Variants in RNF216 observed in about 807,000 individuals in gnomAD.
RNF216 encodes the protein ring finger protein 216.
In RNF216, 72 loss-of-function variants were observed where a neutral mutation model predicts 110.8. That is an observed-to-expected ratio of 0.65 (90% confidence interval 0.54 to 0.79). The LOEUF is 0.79. Among genes scored for constraint, RNF216 ranks in the 30% least tolerant of loss-of-function variants. RNF216 has a pLI of 0.00. For synonymous variants in RNF216, 495 were observed against 407.5 expected, an observed-to-expected ratio of 1.21 and a Z score of -2.59; for missense variants, 1,342 against 1,141.2, an observed-to-expected ratio of 1.18 and a Z score of -2.54.
At chr7:5,683,817 C>T (rs1465624264) in intron 13 of RNF216, among the ~76,000 whole-genome samples, 1 of 152,112 alleles carries the variant, frequency 6.6e-6, no homozygotes, top group Non-Finnish European at 1.5e-5. Flanking sequence ...GTTAAAAGTG[C>T]AAGATAAGCC....
chr7:5,737,520 A>T (rs898849759), intron 5 of RNF216, among the ~76,000 whole-genome samples: 1 of 21,128 alleles, frequency 4.7e-5, no homozygotes, highest in Non-Finnish European at 1.3e-4. Context: ...ATGATCAATT[A>T]AAAATAATAA....
At chr7:5,660,265 C>CTTTTTTTTTTTTTTTTTTTTTTTT (rs66617363) in intron 13 of RNF216, among the ~76,000 whole-genome samples, 2 of 33,652 alleles carry the variant, frequency 5.9e-5, no homozygotes, top group Non-Finnish European at 1.2e-4. Context: ...GTTTTAAATT[C>CTTTTTTTTTTTTTTTTTTTTTTTT]TTTTTTTTTT....
At chr7:5,769,064 A>C (rs932110346) in intron 1 of RNF216, among the ~76,000 whole-genome samples, 8 of 152,044 alleles carry the variant, frequency 5.3e-5, no homozygotes, top group Admixed American at 1.3e-4. Context: ...AAATATATCA[A>C]AATTTATGTG....
At chr7:5,630,946 G>C (rs147440235) in intron 15 of RNF216, among the ~76,000 whole-genome samples, 1 of 152,134 alleles carries the variant, frequency 6.6e-6, no homozygotes, top group Non-Finnish European at 1.5e-5. Flanking sequence ...TTCTGAATCG[G>C]AACTTCTGGC....
chr7:5,730,521 C>G (rs1267383137), intron 6 of RNF216, among the ~76,000 whole-genome samples, 194 bp downstream of exon 6: 4 of 151,926 alleles, frequency 2.6e-5, no homozygotes, highest in African/African-American at 7.2e-5. Context: ...TAAAGACAGA[C>G]AGAATTCAAA....
intron 13 of RNF216, among the ~76,000 whole-genome samples, chr7:5,703,743 ACTCTGATT>A (rs1473050435): frequency 6.6e-6 from 1 of 152,150 alleles, no homozygotes; most frequent in Admixed American, 6.5e-5. Context: ...TTCTTCAGTT[ACTCTGATT>A]AAACTCTCAC....
In RNF216 at chr7:5,741,567, G is replaced by T. The variant is rs145281287; in HGVS notation, c.450C>A (p.Gly150=). The T allele has an allele frequency of 7.4e-6, 12 of 1,613,940 alleles. No individual in the cohort carries two copies. In the African/African-American group the frequency reaches 1.3e-4, roughly 18 times the overall value. Residue 150 remains glycine (G), a synonymous_variant, in exon 4 of 17, where the codon GGC becomes GGA. Transcript: ENST00000389902. ...CAGGCTTGGGTTCTCTTTCTGTTTGGCCACTTGGCTTAGTGAATTCAGAGA... is the reference window on the plus strand; with the variant it reads ...CAGGCTTGGGTTCTCTTTCTGTTTGTCCACTTGGCTTAGTGAATTCAGAGA... The part of the protein sequence containing the change: ...PGISEFTKPS[G]QTEREPKPGP...
chr7:5,698,227 T>A (rs1791745844), intron 13 of RNF216, among the ~76,000 whole-genome samples: 1 of 152,144 alleles, frequency 6.6e-6, no homozygotes, highest in African/African-American at 2.4e-5. Flanking sequence ...ATGTGGGCTT[T>A]CTTCTGGTTG....
chr7:5,749,851 G>C (rs1372888597), intron 3 of RNF216, among the ~76,000 whole-genome samples: 2 of 152,120 alleles, frequency 1.3e-5, no homozygotes, highest in African/African-American at 4.8e-5. Context: ...AATTACATGA[G>C]ACTGAATTGA....
At chr7:5,713,141 A>G (rs1792821675) in intron 11 of RNF216, among the ~76,000 whole-genome samples, 1 of 152,244 alleles carries the variant, frequency 6.6e-6, no homozygotes, top group Non-Finnish European at 1.5e-5. Flanking sequence ...ACAGAAGCCC[A>G]TAGCTTAGGG....
intron 13 of RNF216, among the ~76,000 whole-genome samples, chr7:5,662,781 T>G (rs1789231615): frequency 1.3e-5 from 2 of 152,070 alleles, no homozygotes; most frequent in East Asian, 1.9e-4. Flanking sequence ...TAAAGCCAGG[T>G]AGGGGGCAGG....
intron 1 of RNF216, among the ~76,000 whole-genome samples, chr7:5,770,114 A>G (rs1334643357): frequency 6.9e-6 from 1 of 145,722 alleles, no homozygotes; most frequent in East Asian, 2.1e-4. Context: ...TGGGAGGCTG[A>G]GGCAAGCAGA....
At position 5,729,437 on chromosome 7, in the gene RNF216, G is replaced by C; in HGVS notation, c.1384C>G (p.Arg462Gly). The C allele has an allele frequency of 1.2e-6, 2 of 1,613,994 alleles. No homozygotes were observed. Among genetic ancestry groups the C allele is most frequent in the Non-Finnish European group, 1.7e-6 (2 of 1,179,968 alleles). ...AGGAAGACCAAGTAGAGTACCTTTC[G>C]GGTGATTGCATAGTGTCCTTTGAGC... ...HELKGHYAIT[R>G]KALSDAIKKW... is the part of the protein sequence containing the mutation. Residue 462 changes from arginine (R) to glycine (G), a missense_variant, in exon 7 of 17, where the codon CGA becomes GGA. Transcript: ENST00000389902.
intron 1 of RNF216, among the ~76,000 whole-genome samples, chr7:5,775,589 G>A (rs1796728363): frequency 1.3e-5 from 2 of 150,712 alleles, no homozygotes; most frequent in South Asian, 4.2e-4. Flanking sequence ...GGCAAAGCAG[G>A]CCAGGTGCAG....
intron 1 of RNF216, among the ~76,000 whole-genome samples, chr7:5,770,823 C>T (rs1485004464): frequency 1.3e-5 from 2 of 151,482 alleles, no homozygotes; most frequent in Non-Finnish European, 2.9e-5. Context: ...TTTCTTTCCC[C>T]CCGAAACAGT....
intron 3 of RNF216, among the ~76,000 whole-genome samples, chr7:5,746,575 C>T (rs1584561448): frequency 6.6e-6 from 1 of 152,112 alleles, no homozygotes. Context: ...GGTGTCTTGA[C>T]TGAGTCAGAT....
chr7:5,738,707 CAAAAAAAAA>C lies in RNF216; in HGVS notation c.1121+560_1121+568del, dbSNP rs71004696. Among the ~76,000 whole-genome samples the C allele has an allele frequency of 4.3e-5, 3 of 70,128 alleles. No homozygotes were observed. In the Admixed American group the frequency reaches 5.8e-4, roughly 14 times the overall value. The allele number at this position is 70,128 out of a possible 152,430, so 46.0% of individuals were successfully genotyped here. A position where few individuals can be genotyped will look rare whatever the true frequency, so the allele number is the denominator to read the frequency against. ...TGGGAGACAGAGTGAGACTCCGTCT[CAAAAAAAAA>C]AAAAAAAAAAAAAAAATGCTTCCAT... On this transcript the variant is annotated intron_variant, in intron 5 of 16. Coordinates refer to ENST00000389902, the MANE Select transcript of RNF216 (RefSeq NM_207111.4).
Position 5,693,393 on chromosome 7 carries a change from C to G in RNF216, c.2061+18368G>C, listed in dbSNP as rs190856421. The stretch of plus-strand genomic sequence containing the variant: ...AACCTCAGTATGGATGCTGACCCCC[C>G]GGTATGGACCTCCACTGTACTGAGG... On this transcript the variant is annotated intron_variant, in intron 13 of 16. Transcript: ENST00000389902. Among the ~76,000 whole-genome samples the G allele has an allele frequency of 7.9e-5, 12 of 152,288 alleles. No homozygotes were observed. The South Asian group carries it at 2.3e-3, about 29-fold the overall frequency.
At chr7:5,667,156 C>T (rs1209607928) in intron 13 of RNF216, among the ~76,000 whole-genome samples, 1 of 152,182 alleles carries the variant, frequency 6.6e-6, no homozygotes, top group African/African-American at 2.4e-5. Context: ...GTTGTAAAGT[C>T]ACTTCAGTAG....
Sources: allele counts gnomAD v4.1 joint callset (sites outside exome capture counted in the v4.1 genomes callset), GRCh38; gene constraint gnomAD v4.1.1; transcripts MANE v1.5; gene names NCBI Gene and HGNC (gene_info 2026-07-23, HGNC 2026-07-21).